FBLN1: variants seen among roughly 807,000 people sequenced by gnomAD.
FBLN1 encodes the protein fibulin-1.
FBLN1 carries 34 observed loss-of-function variants against 89.7 expected under a neutral mutation model. That is an observed-to-expected ratio of 0.38 (90% CI 0.29 to 0.50). The LOEUF is 0.50. Ranked by LOEUF, FBLN1 falls within the 20% of genes least tolerant of loss-of-function variation. The probability of loss-of-function intolerance (pLI) is 0.92; values close to 1 mark genes in which losing one functional copy is unlikely to be tolerated. For missense variants in FBLN1, 777 were observed against 988.1 expected (o/e 0.79, Z 2.86); for synonymous variants, 393 against 391.3 (o/e 1.00, Z -0.05).
chr22:45,517,962 C>T (rs2088191896), intron 1 of FBLN1, among the ~76,000 whole-genome samples: 1 of 152,006 alleles, frequency 6.6e-6, no homozygotes, highest in Admixed American at 6.6e-5. Flanking sequence ...GAAACCCCAT[C>T]TCTACTAAAA....
intron 8 of FBLN1, 148 bp downstream of exon 8, chr22:45,535,485 G>A (rs2088472919): frequency 1.2e-6 from 1 of 863,678 alleles, no homozygotes; most frequent in Non-Finnish European, 1.9e-6. Flanking sequence ...ACAGCAAATA[G>A]AGCAAATACT....
Position 45,590,760 on chromosome 22 carries a change from G to C in FBLN1, c.1973-9547G>C, listed in dbSNP as rs1460878953. ...GAGGGATGGGAGTAAGGGGCCTATC[G>C]AGGGCGACTCCAAGTTCCTGGCTTG... On this transcript the variant is annotated intron_variant, in intron 16 of 16. Coordinates refer to ENST00000327858, the MANE Select transcript of FBLN1 (RefSeq NM_006486.3). This position sits in a 1 kb window ranked among gnomAD's most constrained non-coding sequence, Gnocchi z 4.1. Among the ~76,000 whole-genome samples the C allele has an allele frequency of 2.0e-5, 3 of 152,118 alleles. No homozygotes were observed. Among genetic ancestry groups the C allele is most frequent in the Non-Finnish European group, 4.4e-5 (3 of 68,006 alleles).
chr22:45,600,572 C>G lies in FBLN1; in HGVS notation c.*126C>G. Reference sequence around the variant, plus strand: ...TTAGGTATTTGTAGCATTAGGCCAACATGTATTAAGCTGAGCCAGATGAAT... The same window carrying G: ...TTAGGTATTTGTAGCATTAGGCCAAGATGTATTAAGCTGAGCCAGATGAAT... On this transcript the variant is annotated 3_prime_UTR_variant, in exon 17 of 17. Transcript: ENST00000327858. 2.7e-6 allele frequency: 3 copies of G among 1,109,860 alleles called. No homozygotes were observed. The highest frequency in any genetic ancestry group is 2.8e-6 in the Non-Finnish European group (2 of 725,206). The allele number at this position is 1,109,860 out of a possible 1,614,324, so 68.8% of individuals were successfully genotyped here. A position where few individuals can be genotyped will look rare whatever the true frequency, so the allele number is the denominator to read the frequency against.
intron 14 of FBLN1, chr22:45,558,251 G>C (rs181931019): frequency 6.2e-5 from 33 of 529,548 alleles, no homozygotes; most frequent in Admixed American, 1.1e-4. Flanking sequence ...GAATGCTGCT[G>C]TTCATGACCA....
At chr22:45,595,271 C>T (rs1158420575) in intron 16 of FBLN1, among the ~76,000 whole-genome samples, 1 of 152,078 alleles carries the variant, frequency 6.6e-6, no homozygotes, top group Non-Finnish European at 1.5e-5. Context: ...GACTTCAGGT[C>T]AGAGGGGAGG....
intron 11 of FBLN1, among the ~76,000 whole-genome samples, chr22:45,546,362 G>T (rs191777210): frequency 6.6e-6 from 1 of 152,096 alleles, no homozygotes; most frequent in African/African-American, 2.4e-5. Flanking sequence ...GACTACAGGT[G>T]CGTGCCACCA....
rs148662883 is a variant in FBLN1 at position 45,508,329 on chromosome 22, T to C, written c.79+5265T>C. 2.1e-3 allele frequency among the ~76,000 whole-genome samples: 319 copies of C among 149,044 alleles called. 1 individual carries two copies. Among genetic ancestry groups the C allele is most frequent in the African/African-American group, 7.7e-3 (310 of 40,280 alleles). On this transcript the variant is annotated intron_variant, in intron 1 of 16. Coordinates refer to ENST00000327858, the MANE Select transcript of FBLN1 (RefSeq NM_006486.3). ...GTCTTGCACTGTCTGGGGTGTGATC[T>C]TGGCTCACTGCAACCTCTGCCTCCC...
rs1442535362 is a variant in FBLN1, at chr22:45,567,421, G to A, written c.1698-7090G>A. Reference sequence around the variant, plus strand: ...ACTGAAGGTCGGGAGTTCAAGACCAGCCTGGCCAACATGATGAAACCCCGT... The same window carrying A: ...ACTGAAGGTCGGGAGTTCAAGACCAACCTGGCCAACATGATGAAACCCCGT... On this transcript the variant is annotated intron_variant, in intron 14 of 16. Coordinates refer to ENST00000327858, the MANE Select transcript of FBLN1 (RefSeq NM_006486.3). 2.6e-5 allele frequency among the ~76,000 whole-genome samples: 4 copies of A among 152,330 alleles called. No individual in the cohort carries two copies. In the East Asian group the frequency reaches 7.7e-4, roughly 29 times the overall value.
chr22:45,533,952 G>A (rs1043334270), intron 7 of FBLN1, 54 bp downstream of exon 7: 13 of 1,609,068 alleles, frequency 8.1e-6, no homozygotes, highest in Middle Eastern at 1.7e-4. Flanking sequence ...TAGATACGGC[G>A]CGGTGGGAAG....
chr22:45,519,218 C>T (rs188297773), intron 2 of FBLN1, among the ~76,000 whole-genome samples: 4 of 152,314 alleles, frequency 2.6e-5, no homozygotes, highest in Admixed American at 6.5e-5. Flanking sequence ...TTCCACCAGC[C>T]GGTTTTTCAG....
chr22:45,586,857 G>A (rs2089090853), intron 16 of FBLN1, among the ~76,000 whole-genome samples: 1 of 152,130 alleles, frequency 6.6e-6, no homozygotes, highest in Non-Finnish European at 1.5e-5. Flanking sequence ...AGTGATGCCT[G>A]TCGGTGGGTG....
chr22:45,596,749 T>A (rs1430907015), intron 16 of FBLN1, among the ~76,000 whole-genome samples: 1 of 147,512 alleles, frequency 6.8e-6, no homozygotes, highest in Non-Finnish European at 1.5e-5. Context: ...TGTAAACATT[T>A]TATATGAACA....
chr22:45,550,759 G>T lies in FBLN1; in HGVS notation c.1697+144G>T. The stretch of plus-strand genomic sequence containing the variant: ...GCACTCAAAGATCACCTGATCCCTG[G>T]CCCTCAAGCCCCTAAATGCTAGTGA... On this transcript the variant is annotated intron_variant, in intron 14 of 16. Transcript: ENST00000327858. The surrounding 1 kb of genome is among the most constrained non-coding windows in gnomAD (Gnocchi z 8.4). The T allele has an allele frequency of 3.4e-6, 4 of 1,182,404 alleles. No individual in the cohort carries two copies. The South Asian group carries it at 4.9e-5, about 15-fold the overall frequency. The allele number at this position is 1,182,404 out of a possible 1,614,324, so 73.2% of individuals were successfully genotyped here.
At chr22:45,506,086 G>A (rs1049337601) in intron 1 of FBLN1, among the ~76,000 whole-genome samples, 1 of 152,190 alleles carries the variant, frequency 6.6e-6, no homozygotes, top group African/African-American at 2.4e-5. Flanking sequence ...TGTTATTAAT[G>A]TTAGCTATTA....
At chr22:45,594,383 G>A (rs1367960298) in intron 16 of FBLN1, among the ~76,000 whole-genome samples, 1 of 152,196 alleles carries the variant, frequency 6.6e-6, no homozygotes, top group Non-Finnish European at 1.5e-5. Context: ...TCATCTGCCT[G>A]CCTCTCCCCA....
Position 45,543,388 on chromosome 22 carries a change from C to T in FBLN1, c.1196-13C>T. 1 of 1,611,308 alleles carries T rather than the reference C, an allele frequency of 6.2e-7. No homozygotes were observed. The highest frequency in any genetic ancestry group is 8.5e-7 in the Non-Finnish European group (1 of 1,179,946). ...TGGACATTGCCCTGAGTCAGCCCACCCCTCACTTTCAGATGTCAACGAGTG... is the reference window on the plus strand; with the variant it reads ...TGGACATTGCCCTGAGTCAGCCCACTCCTCACTTTCAGATGTCAACGAGTG... On this transcript the variant is annotated splice_polypyrimidine_tract_variant and intron_variant, in intron 10 of 16. Coordinates refer to ENST00000327858, the MANE Select transcript of FBLN1 (RefSeq NM_006486.3).
At chr22:45,538,454 T>C (rs148452601) in intron 8 of FBLN1, among the ~76,000 whole-genome samples, 200 of 152,344 alleles carry the variant, frequency 1.3e-3, no homozygotes, top group African/African-American at 4.7e-3. Flanking sequence ...CTTGAGACTT[T>C]TTGTTTTTTT....
At chr22:45,503,168 G>T (rs1328171407) in intron 1 of FBLN1, 104 bp downstream of exon 1, 8 of 873,324 alleles carry the variant, frequency 9.2e-6, no homozygotes. Flanking sequence ...TCCGTGCGTT[G>T]CCCTGCGCGG....
chr22:45,541,864 C>G (rs907540743), intron 9 of FBLN1, among the ~76,000 whole-genome samples: 2 of 152,242 alleles, frequency 1.3e-5, no homozygotes, highest in Non-Finnish European at 2.9e-5. Context: ...AGGGAAGGAG[C>G]CTTCCTCGCA....
Sources: gnomAD v4.1 joint callset for allele counts (sites outside exome capture counted in the v4.1 genomes callset) on GRCh38, gnomAD v4.1.1 for gene constraint, Gnocchi (gnomAD v3.1) non-coding constraint, MANE v1.5 for transcripts, NCBI Gene and HGNC (gene_info 2026-07-23, HGNC 2026-07-21) for gene names.